ASNS: variants seen among roughly 807,000 people sequenced by gnomAD.
ASNS encodes the protein asparagine synthetase (glutamine-hydrolyzing), also known as asparagine synthetase [glutamine-hydrolyzing].
A neutral mutation model predicts 62.6 loss-of-function variants in ASNS; 37 were observed. The observed-to-expected ratio is 0.59, with a 90% CI of 0.45 to 0.78. The LOEUF (loss-of-function observed/expected upper bound fraction) is 0.78. Ranked by LOEUF, ASNS falls within the 30% of genes least tolerant of loss-of-function variation. ASNS has a pLI of 0.00. For synonymous variants in ASNS, 207 were observed against 237.9 expected (o/e 0.87, Z 1.19); for missense variants, 520 against 682.4 (o/e 0.76, Z 2.65).
intron 9 of ASNS, 146 bp from the exon 10 acceptor site, chr7:97,854,826 T>A (rs1448224424): frequency 1.4e-6 from 2 of 1,443,614 alleles, no homozygotes; most frequent in Non-Finnish European, 9.4e-7. Flanking sequence ...AGGTAAGCAA[T>A]GCTTCACAAA....
the ASNS span, among the ~76,000 whole-genome samples, chr7:97,918,524 C>T: frequency 4.7e-5 from 7 of 150,396 alleles, no homozygotes; most frequent in South Asian, 2.1e-4. Flanking sequence ...CAGGTTCCAA[C>T]GTGAGACAAT....
At chr7:97,890,265 A>G in the ASNS span, among the ~76,000 whole-genome samples, 1 of 152,318 alleles carries the variant, frequency 6.6e-6, no homozygotes, top group African/African-American at 2.4e-5. Context: ...GGGTAAAGGC[A>G]TAGAAAACCT....
intron 3 of ASNS, among the ~76,000 whole-genome samples, chr7:97,868,078 T>C (rs1225073026): frequency 6.6e-6 from 1 of 152,102 alleles, no homozygotes; most frequent in African/African-American, 2.4e-5. Context: ...GAGGTCAAGG[T>C]GGGCAGATTA....
the ASNS span, among the ~76,000 whole-genome samples, chr7:97,924,830 T>G: frequency 6.6e-6 from 1 of 152,226 alleles, no homozygotes; most frequent in Non-Finnish European, 1.5e-5. Context: ...ATTTTGTGCT[T>G]TGTCTGTGTT....
At chr7:97,858,008 C>T (rs1014796508) in intron 7 of ASNS, among the ~76,000 whole-genome samples, 4 of 152,110 alleles carry the variant, frequency 2.6e-5, no homozygotes, top group Non-Finnish European at 4.4e-5. Context: ...GCCACCATGC[C>T]CAGACACCTT....
upstream of ASNS, among the ~76,000 whole-genome samples, chr7:97,874,783 C>T (rs570730303): frequency 1.4e-3 from 211 of 152,336 alleles, no homozygotes; most frequent in Non-Finnish European, 2.0e-3. Context: ...AGCTTAAATA[C>T]TTTGTGTTTT....
At position 97,852,130 on chromosome 7, in the gene ASNS, T is replaced by G; in HGVS notation, c.*129A>C. ...AACATAAATGACTACAGCAATGGTT[T>G]AGATTTAGGACTTTTATTTTTTTCA... On this transcript the variant is annotated 3_prime_UTR_variant, in exon 13 of 13. Coordinates refer to ENST00000394308, the MANE Select transcript of ASNS (RefSeq NM_001673.5). 5.0e-6 allele frequency: 5 copies of G among 998,194 alleles called. No individual in the cohort carries two copies. The South Asian group carries it at 6.5e-5, about 13-fold the overall frequency. 61.8% of individuals were successfully genotyped at this position (998,194 alleles called of 1,614,324 possible). A position where few individuals can be genotyped will look rare whatever the true frequency, so the allele number is the denominator to read the frequency against.
chr7:97,869,233 G>A (rs541521389), intron 2 of ASNS, 54 bp from the exon 3 acceptor site: 166 of 1,551,218 alleles, frequency 1.1e-4, no homozygotes, highest in Non-Finnish European at 1.4e-4. Flanking sequence ...ATCCAACTCT[G>A]CATTAAATCT....
At chr7:97,906,778 T>C in the ASNS span, 1 of 151,758 alleles carries the variant, frequency 6.6e-6, no homozygotes, top group Non-Finnish European at 1.5e-5. Flanking sequence ...GGCTAAGGAG[T>C]CCTGGAGTCT....
At chr7:97,909,807 C>A in the ASNS span, among the ~76,000 whole-genome samples, 1 of 152,168 alleles carries the variant, frequency 6.6e-6, no homozygotes, top group Non-Finnish European at 1.5e-5. Context: ...TCCACTTAAG[C>A]TGCACTGGCT....
chr7:97,862,656 A>G (rs1314695465), intron 4 of ASNS, among the ~76,000 whole-genome samples: 1 of 152,144 alleles, frequency 6.6e-6, no homozygotes, highest in African/African-American at 2.4e-5. Context: ...AATCTAATAA[A>G]TGTAGCACAG....
chr7:97,888,495 A>C, the ASNS span, among the ~76,000 whole-genome samples: 1 of 152,330 alleles, frequency 6.6e-6, no homozygotes, highest in East Asian at 1.9e-4. Flanking sequence ...TCCATTGTCT[A>C]CATAAGCTTT....
At chr7:97,870,725 A>G (rs1273822138) in intron 1 of ASNS, among the ~76,000 whole-genome samples, 1 of 152,246 alleles carries the variant, frequency 6.6e-6, no homozygotes, top group African/African-American at 2.4e-5. Context: ...ATCAATTTAA[A>G]ACGGGTTAGG....
the ASNS span, among the ~76,000 whole-genome samples, chr7:97,914,615 C>A: frequency 6.6e-6 from 1 of 152,142 alleles, no homozygotes; most frequent in Admixed American, 6.5e-5. Context: ...GGGATCTTAT[C>A]AACTACTTGC....
chr7:97,873,091 A>G (rs1432735661), upstream of ASNS, among the ~76,000 whole-genome samples: 2 of 152,234 alleles, frequency 1.3e-5, no homozygotes, highest in Admixed American at 1.3e-4. Flanking sequence ...ATCTAAATCT[A>G]ATTGATACAT....
intron 4 of ASNS, 40 bp downstream of exon 4, chr7:97,864,219 C>G: frequency 6.5e-7 from 1 of 1,542,848 alleles, no homozygotes; most frequent in Non-Finnish European, 8.8e-7. Flanking sequence ...AACGTACAAC[C>G]AAGACAATAA....
At chr7:97,872,301 G>A (rs1792316294) in intron 1 of ASNS, 50 bp downstream of exon 1, 1 of 134,502 alleles carries the variant, frequency 7.4e-6, no homozygotes, top group African/African-American at 3.0e-5. Flanking sequence ...GGGCACGCGA[G>A]GAGGATGCTG....
At chr7:97,861,405 T>C (rs770449608) in intron 4 of ASNS, among the ~76,000 whole-genome samples, 9 of 152,226 alleles carry the variant, frequency 5.9e-5, no homozygotes, top group South Asian at 2.1e-4. Context: ...TGGTTGCCCC[T>C]GTGCCAGTTT....
At chr7:97,917,650 A>G in the ASNS span, among the ~76,000 whole-genome samples, 1 of 152,188 alleles carries the variant, frequency 6.6e-6, no homozygotes, top group Non-Finnish European at 1.5e-5. Flanking sequence ...GACCTATTAG[A>G]AGCCCCACTT....
Sources: gnomAD v4.1 joint callset for allele counts (sites outside exome capture counted in the v4.1 genomes callset) on GRCh38, gnomAD v4.1.1 for gene constraint, MANE v1.5 for transcripts, NCBI Gene and HGNC (gene_info 2026-07-23, HGNC 2026-07-21) for gene names.